USH2A: variants seen among roughly 807,000 people sequenced by gnomAD.
USH2A encodes the protein Usher syndrome 2A (autosomal recessive, mild).
Under a neutral mutation model 538.9 loss-of-function variants are expected in USH2A, and 443 were observed. That is an observed-to-expected ratio of 0.82 (90% confidence interval 0.76 to 0.89). The LOEUF (loss-of-function observed/expected upper bound fraction) is 0.89, where lower values mean the gene tolerates loss of function less well. USH2A is among the 40% of genes least tolerant of loss of function. The pLI is 0.00. For missense variants in USH2A, 6,633 were observed against 6,324.8 expected (o/e 1.05, Z -1.65); for synonymous variants, 2,413 against 2,273.5 (o/e 1.06, Z -1.75).
chr1:215,647,938 A>C (rs774413864), intron 66 of USH2A, among the ~76,000 whole-genome samples: 5 of 151,730 alleles, frequency 3.3e-5, no homozygotes, highest in African/African-American at 4.8e-5. Context: ...GAGAAATGAT[A>C]AGAGAAGTCA....
At chr1:216,355,359 GA>G (rs1553253076) in intron 4 of USH2A, among the ~76,000 whole-genome samples, 2 of 149,458 alleles carry the variant, frequency 1.3e-5, no homozygotes, top group African/African-American at 4.9e-5. Context: ...AAGAAAGAAA[GA>G]AAGAAAGAAA....
At chr1:216,039,326 T>A (rs1230123676) in intron 32 of USH2A, among the ~76,000 whole-genome samples, 1 of 152,022 alleles carries the variant, frequency 6.6e-6, no homozygotes, top group African/African-American at 2.4e-5. Flanking sequence ...TTGACTTTTG[T>A]TCCTTCGTGT....
intron 44 of USH2A, among the ~76,000 whole-genome samples, chr1:215,866,157 C>T (rs1400179330): frequency 1.3e-5 from 2 of 152,138 alleles, no homozygotes; most frequent in Non-Finnish European, 2.9e-5. Flanking sequence ...AAACTATTTG[C>T]CAGATCTCAA....
chr1:215,773,472 G>T (rs1234023347), intron 55 of USH2A, among the ~76,000 whole-genome samples: 1 of 146,806 alleles, frequency 6.8e-6, no homozygotes, highest in Non-Finnish European at 1.5e-5. Flanking sequence ...CCCACTTTAC[G>T]GATGTCTCTC....
In USH2A at chr1:216,321,863, A is replaced by T. The variant is rs1329016320; in HGVS notation, c.1644+20T>A. The stretch of plus-strand genomic sequence containing the variant: ...TCTACTATTTTTTTTTTAGATTTCC[A>T]TGCATAAAATAGAACTCACATGAAG... On this transcript the variant is annotated intron_variant, in intron 9 of 71. Coordinates refer to ENST00000307340, the MANE Select transcript of USH2A (RefSeq NM_206933.4). 1 of 1,601,732 alleles carries T rather than the reference A, an allele frequency of 6.2e-7. No homozygotes were observed. Among genetic ancestry groups the T allele is most frequent in the African/African-American group, 1.3e-5 (1 of 74,602 alleles).
intron 61 of USH2A, among the ~76,000 whole-genome samples, chr1:215,705,494 T>A (rs941152029): frequency 2.0e-5 from 3 of 152,338 alleles, no homozygotes; most frequent in Non-Finnish European, 4.4e-5. Flanking sequence ...ACAGTGATTA[T>A]AAGATTGTTA....
chr1:215,948,536 C>T (rs1666816417), intron 37 of USH2A, among the ~76,000 whole-genome samples: 1 of 151,336 alleles, frequency 6.6e-6, no homozygotes, highest in South Asian at 2.1e-4. Context: ...TTTTATGATG[C>T]TCATTGTTTT....
rs541972671 is a variant in USH2A at position 215,766,904 on chromosome 1, T to C, written c.10940-116A>G. 4.4e-5 allele frequency: 43 copies of C among 972,366 alleles called. No individual in the cohort carries two copies. The East Asian group carries it at 9.8e-4, about 22-fold the overall frequency. The allele number at this position is 972,366 out of a possible 1,614,324, so 60.2% of individuals were successfully genotyped here. A position where few individuals can be genotyped will look rare whatever the true frequency, so the allele number is the denominator to read the frequency against. On this transcript the variant is annotated intron_variant, in intron 55 of 71. Transcript: ENST00000307340. ...TGATAGCCAAAACATTTAAGAGTAC[T>C]CTCTAAAACACTCTTTAAAGAAGGT...
At chr1:216,366,284 CA>C (rs1184105799) in intron 3 of USH2A, among the ~76,000 whole-genome samples, 2 of 152,072 alleles carry the variant, frequency 1.3e-5, no homozygotes, top group Non-Finnish European at 2.9e-5. Context: ...AAACATTCAA[CA>C]TGCTATTCTG....
In USH2A at chr1:215,958,359, A is replaced by T. The variant is rs530480098; in HGVS notation, c.7120+6958T>A. Among the ~76,000 whole-genome samples the T allele has an allele frequency of 2.0e-5, 3 of 152,294 alleles. No individual in the cohort carries two copies. In the South Asian group the frequency reaches 6.2e-4, roughly 32 times the overall value. On this transcript the variant is annotated intron_variant, in intron 37 of 71. Transcript: ENST00000307340. ...TAACTGGCAATTCCAGGAGAAGGTA[A>T]GCCTATTCTGGGTGCTAGGATTTTT...
chr1:216,238,514 G>T (rs907222776), intron 13 of USH2A, among the ~76,000 whole-genome samples: 2 of 152,068 alleles, frequency 1.3e-5, no homozygotes, highest in African/African-American at 4.8e-5. Flanking sequence ...TTAAATTAAA[G>T]CATTTTTAAA....
intron 2 of USH2A, among the ~76,000 whole-genome samples, chr1:216,420,167 C>A (rs546165552): frequency 6.6e-6 from 1 of 151,892 alleles, no homozygotes; most frequent in Non-Finnish European, 1.5e-5. Flanking sequence ...AAAGAGTTTG[C>A]CCCTATTCAT....
chr1:216,370,702 A>AAAAAAAAAAAAAAC (rs397973329), intron 3 of USH2A, among the ~76,000 whole-genome samples: 4 of 150,144 alleles, frequency 2.7e-5, no homozygotes, highest in East Asian at 2.0e-4. Flanking sequence ...AAAAAAAAAA[A>AAAAAAAAAAAAAAC]TACTCAAGGT....
intron 21 of USH2A, chr1:216,174,232 T>C (rs1324191442): frequency 4.1e-6 from 4 of 985,228 alleles, no homozygotes; most frequent in Non-Finnish European, 3.6e-6. Flanking sequence ...TTTTAAAGAC[T>C]AGCTATTTGC....
chr1:215,903,587 G>A (rs538830367), intron 38 of USH2A, among the ~76,000 whole-genome samples: 1 of 152,170 alleles, frequency 6.6e-6, no homozygotes, highest in Non-Finnish European at 1.5e-5. Context: ...TCAACTGAGA[G>A]TCAGTGCACA....
chr1:215,811,344 T>C (rs1662669844), intron 49 of USH2A, among the ~76,000 whole-genome samples: 1 of 152,182 alleles, frequency 6.6e-6, no homozygotes. Context: ...ACTGCTTCCA[T>C]AGATAACATC....
chr1:215,787,792 C>T lies in USH2A; in HGVS notation c.10183-918G>A, dbSNP rs1033767136. 7.2e-5 allele frequency among the ~76,000 whole-genome samples: 11 copies of T among 151,950 alleles called. 1 individual carries two copies. The highest frequency in any genetic ancestry group is 7.2e-4 in the Admixed American group (11 of 15,250). Reference sequence around the variant, plus strand: ...GGCGCAGTGGCTCATGTCTATAATCCCAACACTTTGGGAGGCGGAGGTGGG... The same window carrying T: ...GGCGCAGTGGCTCATGTCTATAATCTCAACACTTTGGGAGGCGGAGGTGGG... On this transcript the variant is annotated intron_variant, in intron 51 of 71. Coordinates refer to ENST00000307340, the MANE Select transcript of USH2A (RefSeq NM_206933.4).
At chr1:215,690,121 T>C (rs1250548771) in intron 61 of USH2A, among the ~76,000 whole-genome samples, 5 of 152,214 alleles carry the variant, frequency 3.3e-5, no homozygotes, top group South Asian at 2.1e-4. Context: ...GGGTTCCAGA[T>C]TGTCCTCATT....
intron 30 of USH2A, 85 bp from the exon 31 acceptor site, chr1:216,048,732 T>C: frequency 8.9e-7 from 1 of 1,126,652 alleles, no homozygotes; most frequent in Admixed American, 1.7e-5. Flanking sequence ...TGTGTGTGTC[T>C]ATAAGAGAGA....
Sources: gnomAD v4.1 joint callset for allele counts (sites outside exome capture counted in the v4.1 genomes callset) on GRCh38, gnomAD v4.1.1 for gene constraint, MANE v1.5 for transcripts, NCBI Gene and HGNC (gene_info 2026-07-23, HGNC 2026-07-21) for gene names.